The following TFDP2 variants were observed in gnomAD, a reference collection of about 807,000 sequenced individuals.
The protein encoded by TFDP2 is transcription factor Dp-2.
A neutral mutation model predicts 59.3 loss-of-function variants in TFDP2; 17 were observed. The ratio of observed to expected loss-of-function variants is 0.29; its 90% CI spans 0.20 to 0.43. The LOEUF is 0.43. Ranked by LOEUF, TFDP2 falls within the 20% of genes least tolerant of loss-of-function variation. The probability of loss-of-function intolerance (pLI) is 1.00; values close to 1 mark genes in which losing one functional copy is unlikely to be tolerated. For missense variants in TFDP2, 391 were observed against 528.8 expected (o/e 0.74, Z 2.56); for synonymous variants, 180 against 194.7 (o/e 0.92, Z 0.63).
At chr3:142,020,482 C>A (rs1057102272) in intron 3 of TFDP2, among the ~76,000 whole-genome samples, 2 of 150,814 alleles carry the variant, frequency 1.3e-5, no homozygotes, top group Non-Finnish European at 2.9e-5. Flanking sequence ...TTGCGGTGAG[C>A]CGAGATGGTG....
chr3:142,032,092 C>G (rs531926828), intron 3 of TFDP2, among the ~76,000 whole-genome samples: 65 of 150,518 alleles, frequency 4.3e-4, no homozygotes, highest in African/African-American at 1.5e-3. Flanking sequence ...TTCTTTCTCT[C>G]TCTCTCTCTT....
At chr3:142,050,746 G>A (rs566158656) in intron 3 of TFDP2, among the ~76,000 whole-genome samples, 49 of 152,068 alleles carry the variant, frequency 3.2e-4, no homozygotes, top group Non-Finnish European at 6.9e-4. Flanking sequence ...TACTTGGGAG[G>A]TTGAGGCAGG....
At chr3:142,076,559 T>C (rs2060465526) in intron 3 of TFDP2, among the ~76,000 whole-genome samples, 1 of 152,222 alleles carries the variant, frequency 6.6e-6, no homozygotes, top group Non-Finnish European at 1.5e-5. Flanking sequence ...GTGGTTTCAA[T>C]CTTTAATCTT....
intron 1 of TFDP2, among the ~76,000 whole-genome samples, chr3:142,113,806 T>C (rs2061745848): frequency 1.3e-5 from 2 of 152,122 alleles, no homozygotes; most frequent in South Asian, 4.1e-4. Context: ...TATATTCAAA[T>C]GAAAATGAAA....
chr3:142,064,528 C>A (rs950044232), intron 3 of TFDP2, among the ~76,000 whole-genome samples: 2 of 152,114 alleles, frequency 1.3e-5, no homozygotes, highest in South Asian at 4.1e-4. Context: ...TACTCAAGTG[C>A]CTACTTTGTT....
chr3:141,953,036 C>A lies in TFDP2; in HGVS notation c.1052-20G>T, dbSNP rs1311806420. 2 of 1,581,254 alleles carry A rather than the reference C, an allele frequency of 1.3e-6. No individual in the cohort carries two copies. Among genetic ancestry groups the A allele is most frequent in the Admixed American group, 1.7e-5 (1 of 58,846 alleles). On this transcript the variant is annotated intron_variant, in intron 11 of 12. Coordinates refer to ENST00000489671, the MANE Select transcript of TFDP2 (RefSeq NM_001178139.2). ...AGATATCTAAAGGAAAAAATGAGAA[C>A]AAAAAATGTCGGTCCTGCAAGTTCT...
At chr3:142,061,257 CA>C (rs1298691319) in intron 3 of TFDP2, among the ~76,000 whole-genome samples, 1 of 152,064 alleles carries the variant, frequency 6.6e-6, no homozygotes, top group Admixed American at 6.6e-5. Flanking sequence ...AATTTACAAC[CA>C]AAAATATAGG....
chr3:142,083,812 T>C (rs184995793), intron 3 of TFDP2, among the ~76,000 whole-genome samples: 1 of 152,164 alleles, frequency 6.6e-6, no homozygotes, highest in Non-Finnish European at 1.5e-5. Context: ...TGCAAAAGAA[T>C]GAAACTAGAC....
intron 3 of TFDP2, among the ~76,000 whole-genome samples, chr3:142,007,319 C>T (rs986581317): frequency 2.6e-5 from 4 of 152,108 alleles, no homozygotes; most frequent in East Asian, 1.9e-4. Flanking sequence ...TGTTCTCACT[C>T]GATATATGAC....
intron 4 of TFDP2, among the ~76,000 whole-genome samples, chr3:141,996,957 T>C (rs551428740): frequency 6.6e-6 from 1 of 152,328 alleles, no homozygotes; most frequent in African/African-American, 2.4e-5. Flanking sequence ...AATAAGGCAC[T>C]CAGAAGTTTG....
In TFDP2 at chr3:141,949,617, G is replaced by A. The variant is rs957328323; in HGVS notation, c.*2896C>T. 6.6e-6 allele frequency: 1 copy of A among 152,258 alleles called. No homozygotes were observed. Among genetic ancestry groups the A allele is most frequent in the African/African-American group, 2.4e-5 (1 of 41,426 alleles). 9.4% of individuals were successfully genotyped at this position (152,258 alleles called of 1,614,324 possible). A position where few individuals can be genotyped will look rare whatever the true frequency, so the allele number is the denominator to read the frequency against. ...TGCCACTGTGCGTGTGCTAAGTAGA[G>A]CCAGCACTTCCTCCATGAATGACGC... On this transcript the variant is annotated 3_prime_UTR_variant, in exon 13 of 13. Transcript: ENST00000489671.
At chr3:142,123,590 G>C (rs2062130948) in intron 1 of TFDP2, among the ~76,000 whole-genome samples, 1 of 152,066 alleles carries the variant, frequency 6.6e-6, no homozygotes, top group African/African-American at 2.4e-5. Context: ...GCTATGGCAT[G>C]CAAAATGATG....
At chr3:142,044,409 T>C (rs1260102206) in intron 3 of TFDP2, among the ~76,000 whole-genome samples, 1 of 151,990 alleles carries the variant, frequency 6.6e-6, no homozygotes, top group Non-Finnish European at 1.5e-5. Context: ...ATAATTTCTG[T>C]ATTTTTACTA....
rs1436747337 is a variant in TFDP2 at position 142,113,373 on chromosome 3, C to T, written c.-92-11532G>A. 1.5e-4 allele frequency among the ~76,000 whole-genome samples: 23 copies of T among 152,088 alleles called. 1 individual carries two copies. Among genetic ancestry groups the T allele is most frequent in the Non-Finnish European group, 1.5e-5 (1 of 68,018 alleles). The stretch of plus-strand genomic sequence containing the variant: ...TCCCGGGTTCAAGCGATTCTCCTGC[C>T]TCAGCCTCCCGAGTAGCTGGGACTA... On this transcript the variant is annotated intron_variant, in intron 1 of 12. Coordinates refer to ENST00000489671, the MANE Select transcript of TFDP2 (RefSeq NM_001178139.2).
chr3:141,978,381 C>A, intron 7 of TFDP2, 139 bp downstream of exon 7: 2 of 870,192 alleles, frequency 2.3e-6, no homozygotes, highest in Non-Finnish European at 3.2e-6. Context: ...CAAAATAAAA[C>A]TCAACAACAA....
intron 3 of TFDP2, among the ~76,000 whole-genome samples, chr3:142,023,236 G>A (rs1560050987): frequency 6.6e-6 from 1 of 151,678 alleles, no homozygotes. Flanking sequence ...CTAGGCTGGA[G>A]TGCAGTGGCG....
intron 3 of TFDP2, among the ~76,000 whole-genome samples, chr3:142,055,941 CTTTTTTTTTTTTTTT>C (rs529693273): frequency 1.1e-3 from 75 of 70,202 alleles, no homozygotes; most frequent in East Asian, 2.3e-3. Context: ...TATTAAGTAC[CTTTTTTTTTTTTTTT>C]TTTTTTTTTT....
chr3:142,077,913 C>T (rs2060517266), intron 3 of TFDP2, among the ~76,000 whole-genome samples: 1 of 152,144 alleles, frequency 6.6e-6, no homozygotes, highest in African/African-American at 2.4e-5. Context: ...TCTTCAACAG[C>T]ATTTCTGGAC....
At chr3:142,107,184 A>C (rs1449081524) in intron 1 of TFDP2, among the ~76,000 whole-genome samples, 1 of 152,068 alleles carries the variant, frequency 6.6e-6, no homozygotes. Flanking sequence ...CTGTGCATTC[A>C]AACTTTTGAG....
Sources: allele counts gnomAD v4.1 joint callset (sites outside exome capture counted in the v4.1 genomes callset), GRCh38; gene constraint gnomAD v4.1.1; transcripts MANE v1.5; gene names NCBI Gene and HGNC (gene_info 2026-07-23, HGNC 2026-07-21).